PRDM16: variants seen among roughly 807,000 people sequenced by gnomAD.
PRDM16 encodes the protein histone-lysine N-methyltransferase PRDM16.
In PRDM16, 23 loss-of-function variants were observed where a neutral mutation model predicts 110.6. That is an observed-to-expected ratio of 0.21 (90% CI 0.15 to 0.29). PRDM16 has a LOEUF of 0.29. Among genes scored for constraint, PRDM16 ranks in the 10% least tolerant of loss-of-function variants. The probability of loss-of-function intolerance (pLI) is 1.00; values close to 1 mark genes in which losing one functional copy is unlikely to be tolerated. For missense variants in PRDM16, 1,615 were observed against 1,794.3 expected, an observed-to-expected ratio of 0.90 and a Z score of 1.81; for synonymous variants, 799 against 781.8, an observed-to-expected ratio of 1.02 and a Z score of -0.37.
intron 3 of PRDM16, among the ~76,000 whole-genome samples, chr1:3,331,319 G>T (rs922654141): frequency 2.1e-4 from 32 of 152,074 alleles, no homozygotes; most frequent in African/African-American, 7.7e-4. Flanking sequence ...ACTTGGAGGT[G>T]GGGGGCATTC....
At chr1:3,176,692 TC>T (rs1397770030) in intron 1 of PRDM16, among the ~76,000 whole-genome samples, 4 of 146,164 alleles carry the variant, frequency 2.7e-5, no homozygotes, top group Non-Finnish European at 6.1e-5. Context: ...TATGCATTCA[TC>T]CACCATCTGT....
chr1:3,240,441 G>A (rs1359576371), intron 2 of PRDM16, among the ~76,000 whole-genome samples: 2 of 151,192 alleles, frequency 1.3e-5, no homozygotes, highest in East Asian at 3.9e-4. Context: ...AGAAGAAGAA[G>A]AAAGAAAAGA....
At chr1:3,413,652 C>T (rs1252133834) in intron 9 of PRDM16, among the ~76,000 whole-genome samples, 1 of 152,166 alleles carries the variant, frequency 6.6e-6, no homozygotes, top group African/African-American at 2.4e-5. Flanking sequence ...CATAGACATG[C>T]TGGGGGTGCT....
intron 1 of PRDM16, among the ~76,000 whole-genome samples, chr1:3,131,059 C>T (rs1240821522): frequency 6.6e-6 from 1 of 152,160 alleles, no homozygotes; most frequent in African/African-American, 2.4e-5. Context: ...AGGCCCCTGC[C>T]CTTGTCTTCT....
chr1:3,166,578 G>A (rs933448872), intron 1 of PRDM16, among the ~76,000 whole-genome samples: 19 of 152,194 alleles, frequency 1.2e-4, no homozygotes, highest in Admixed American at 3.9e-4. Context: ...AAGTGCTCAC[G>A]AAGGGGACAG....
At chr1:3,383,356 C>A (rs1041042208) in intron 3 of PRDM16, among the ~76,000 whole-genome samples, 11 of 152,186 alleles carry the variant, frequency 7.2e-5, no homozygotes, top group African/African-American at 2.7e-4. Context: ...TCACCCAGCA[C>A]CTCTGGAAAC....
At chr1:3,366,212 C>T (rs1642811766) in intron 3 of PRDM16, among the ~76,000 whole-genome samples, 2 of 152,242 alleles carry the variant, frequency 1.3e-5, no homozygotes, top group Non-Finnish European at 2.9e-5. Context: ...TGAATTCTTT[C>T]CTGCCACTGA....
intron 1 of PRDM16, among the ~76,000 whole-genome samples, chr1:3,078,275 C>A (rs981141619): frequency 1.3e-5 from 2 of 152,170 alleles, no homozygotes; most frequent in Non-Finnish European, 2.9e-5. Flanking sequence ...TAGGGGCCCA[C>A]CTGGAGGGAG....
intron 2 of PRDM16, among the ~76,000 whole-genome samples, chr1:3,216,917 C>T (rs1639042847): frequency 6.6e-6 from 1 of 152,266 alleles, no homozygotes; most frequent in Non-Finnish European, 1.5e-5. Flanking sequence ...CTGGTCCCTC[C>T]CTGGGCCACC....
chr1:3,256,853 T>C (rs1408128695), intron 3 of PRDM16, among the ~76,000 whole-genome samples: 1 of 142,068 alleles, frequency 7.0e-6, no homozygotes, highest in Non-Finnish European at 1.6e-5. Context: ...TGCGACTCCA[T>C]CTCAAAATAA....
chr1:3,118,981 C>G (rs2100658255), intron 1 of PRDM16, among the ~76,000 whole-genome samples: 1 of 152,342 alleles, frequency 6.6e-6, no homozygotes, highest in East Asian at 1.9e-4. Flanking sequence ...GAGCGAGACC[C>G]TGGCCCACAG....
In PRDM16 at chr1:3,206,284, C is replaced by A. The variant is rs12027586; in HGVS notation, c.387+19810C>A. On this transcript the variant is annotated intron_variant, in intron 2 of 16. Transcript: ENST00000270722. The surrounding 1 kb of genome is among the most constrained non-coding windows in gnomAD (Gnocchi z 4.9). The stretch of plus-strand genomic sequence containing the variant: ...CACAGAGGGCCCTTTCCCAGAGAGA[C>A]CACCAGTGGGCCTGGACCCACGCCC... 6.6e-6 allele frequency: 1 copy of A among 152,412 alleles called. No homozygotes were observed. Among genetic ancestry groups the A allele is most frequent in the East Asian group, 1.9e-4 (1 of 5,176 alleles). 9.4% of individuals were successfully genotyped at this position (152,412 alleles called of 1,614,324 possible).
chr1:3,405,706 C>G, intron 8 of PRDM16, 58 bp downstream of exon 8: 1 of 1,486,154 alleles, frequency 6.7e-7, no homozygotes, highest in Non-Finnish European at 9.0e-7. Context: ...CCGTGGCGGT[C>G]GGGCCGAGGT....
intron 1 of PRDM16, among the ~76,000 whole-genome samples, chr1:3,129,123 C>T (rs944029549): frequency 7.3e-5 from 11 of 150,500 alleles, no homozygotes; most frequent in African/African-American, 2.5e-4. Flanking sequence ...TGAGTGTGCA[C>T]GTGCGTGTGT....
intron 3 of PRDM16, among the ~76,000 whole-genome samples, chr1:3,325,929 C>A (rs1239570708): frequency 2.6e-5 from 3 of 115,086 alleles, no homozygotes; most frequent in Non-Finnish European, 5.6e-5. Flanking sequence ...CCTCCTCGGC[C>A]CTCTTGGCCC....
intron 2 of PRDM16, among the ~76,000 whole-genome samples, chr1:3,225,400 G>C (rs548691162): frequency 6.6e-6 from 1 of 152,264 alleles, no homozygotes; most frequent in African/African-American, 2.4e-5. Context: ...CCTACCTTTA[G>C]TGCGTGCCTG....
intron 3 of PRDM16, among the ~76,000 whole-genome samples, chr1:3,249,621 G>T (rs1639879931): frequency 1.3e-5 from 2 of 152,124 alleles, no homozygotes; most frequent in Non-Finnish European, 2.9e-5. Context: ...TTGCATGTGG[G>T]ATCAGTTATG....
intron 1 of PRDM16, among the ~76,000 whole-genome samples, chr1:3,142,350 G>A (rs12120884): frequency 0.066 from 9,995 of 152,294 alleles, 421 homozygotes; most frequent in East Asian, 0.12. Flanking sequence ...GCCCTGTCCC[G>A]GGGGTGCGGT....
rs1376801532 is a variant in PRDM16, at chr1:3,277,080, A to AG, written c.438+32943_438+32944insG. 1.3e-4 allele frequency among the ~76,000 whole-genome samples: 20 copies of AG among 152,198 alleles called. No homozygotes were observed. The East Asian group carries it at 3.9e-3, about 29-fold the overall frequency. The stretch of plus-strand genomic sequence containing the variant: ...TTTCCCCCAGGACCCCGTTGGCATG[A>AG]CAGGACTTGACACCAGCCATTCGTC... On this transcript the variant is annotated intron_variant, in intron 3 of 16. Transcript: ENST00000270722.
Sources: gnomAD v4.1 joint callset for allele counts (sites outside exome capture counted in the v4.1 genomes callset) on GRCh38, gnomAD v4.1.1 for gene constraint, Gnocchi (gnomAD v3.1) non-coding constraint, MANE v1.5 for transcripts, NCBI Gene and HGNC (gene_info 2026-07-23, HGNC 2026-07-21) for gene names.